Variants in NCR3LG1 observed in about 807,000 individuals in gnomAD.
The protein encoded by NCR3LG1 is natural cytotoxicity triggering receptor 3 ligand 1.
Under a neutral mutation model 34.8 loss-of-function variants are expected in NCR3LG1, and 35 were observed. The observed-to-expected ratio is 1.01, with a 90% confidence interval of 0.77 to 1.33. The LOEUF is 1.33. Among genes scored for constraint, NCR3LG1 ranks in the 40% most tolerant of loss-of-function variants. NCR3LG1 has a pLI of 0.00. For synonymous variants in NCR3LG1, 173 were observed against 163.6 expected (o/e 1.06, Z -0.44); for missense variants, 452 against 423.3 (o/e 1.07, Z -0.60).
chr11:17,372,253 C>A lies in NCR3LG1; in HGVS notation c.1106C>A (p.Ala369Asp), dbSNP rs907084677. 4.3e-6 allele frequency: 3 copies of A among 703,014 alleles called. No homozygotes were observed. Among genetic ancestry groups the A allele is most frequent in the African/African-American group, 3.5e-5 (2 of 57,248 alleles). 43.5% of individuals were successfully genotyped at this position (703,014 alleles called of 1,614,324 possible). Reference sequence around the variant, plus strand: ...TGGTCCGAGGTTCCTTATGTGCAAGCCTTCTTTGCCTTGCGAGACAACCCA... The same window carrying A: ...TGGTCCGAGGTTCCTTATGTGCAAGACTTCTTTGCCTTGCGAGACAACCCA... ...GKWSEVPYVQ[A>D]FFALRDNPDL... The change falls in exon 5 of 5, where the codon GCC becomes GAC. Residue 369 changes from alanine (A) to aspartate (D), a missense_variant. Ala to Asp is a moderately radical substitution (Grantham distance 126, BLOSUM62 -2). Transcript: ENST00000338965.
Position 17,375,380 on chromosome 11 carries a change from G to C in NCR3LG1, c.*2868G>C, listed in dbSNP as rs1269817480. 1.3e-5 allele frequency: 2 copies of C among 152,134 alleles called. No individual in the cohort carries two copies. Among genetic ancestry groups the C allele is most frequent in the Admixed American group, 6.5e-5 (1 of 15,270 alleles). 9.4% of individuals were successfully genotyped at this position (152,134 alleles called of 1,614,324 possible). A position where few individuals can be genotyped will look rare whatever the true frequency, so the allele number is the denominator to read the frequency against. On this transcript the variant is annotated 3_prime_UTR_variant, in exon 5 of 5. Transcript: ENST00000338965. ...TTTATGGATGGGAGCTCTTTTGTAG[G>C]ACAGGGAGTCTGAAAAGTGGGATAT...
chr11:17,380,709 CA>C (rs1319143870), downstream of NCR3LG1: 1 of 152,188 alleles, frequency 6.6e-6, no homozygotes, highest in African/African-American at 2.4e-5. Flanking sequence ...AGGCTGGTCT[CA>C]AACTCCTGAG....
chr11:17,369,400 C>T (rs1372371091), intron 4 of NCR3LG1, among the ~76,000 whole-genome samples: 1 of 152,206 alleles, frequency 6.6e-6, no homozygotes, highest in Non-Finnish European at 1.5e-5. Flanking sequence ...CCAGATCTCA[C>T]TAGTTTGACT....
Position 17,351,880 on chromosome 11 carries a change from T to C in NCR3LG1, c.-90T>C. On this transcript the variant is annotated 5_prime_UTR_variant, in exon 1 of 5. Coordinates refer to ENST00000338965, the MANE Select transcript of NCR3LG1 (RefSeq NM_001202439.3). ...CCCGGCTGTGTCTCCGTCAACTCTT[T>C]ACGCAACAGAGGTCTCCCCCTGCCC... 9.8e-7 allele frequency: 1 copy of C among 1,024,866 alleles called. No individual in the cohort carries two copies. The highest frequency in any genetic ancestry group is 1.4e-6 in the Non-Finnish European group (1 of 690,212). The allele number at this position is 1,024,866 out of a possible 1,614,324, so 63.5% of individuals were successfully genotyped here.
At position 17,375,971 on chromosome 11, in the gene NCR3LG1, C is replaced by A. The variant is rs1306032924; in HGVS notation, c.*3459C>A. On this transcript the variant is annotated 3_prime_UTR_variant, in exon 5 of 5. Coordinates refer to ENST00000338965, the MANE Select transcript of NCR3LG1 (RefSeq NM_001202439.3). ...GCCAATGGAAGATTCTTAAAATCCTCCACTGAGCCTTTCACTTAGGAAAGC... is the reference window on the plus strand; with the variant it reads ...GCCAATGGAAGATTCTTAAAATCCTACACTGAGCCTTTCACTTAGGAAAGC... 6.6e-6 allele frequency: 1 copy of A among 152,204 alleles called. No individual in the cohort carries two copies. Among genetic ancestry groups the A allele is most frequent in the South Asian group, 2.1e-4 (1 of 4,832 alleles). The allele number at this position is 152,204 out of a possible 1,614,324, so 9.4% of individuals were successfully genotyped here.
intron 2 of NCR3LG1, 53 bp downstream of exon 2, chr11:17,357,054 C>T: frequency 4.2e-6 from 5 of 1,184,370 alleles, no homozygotes; most frequent in Non-Finnish European, 4.6e-6. Context: ...GGGTTAGCAA[C>T]AACAAAACCC....
At chr11:17,365,604 G>A (rs577568335) in intron 2 of NCR3LG1, among the ~76,000 whole-genome samples, 8 of 152,180 alleles carry the variant, frequency 5.3e-5, no homozygotes, top group Non-Finnish European at 1.0e-4. Context: ...TGAGATGGAG[G>A]GAATAATCTA....
intron 2 of NCR3LG1, among the ~76,000 whole-genome samples, chr11:17,357,581 G>A: frequency 6.6e-6 from 1 of 152,066 alleles, no homozygotes; most frequent in Admixed American, 6.5e-5. Context: ...GGAGTGAGAG[G>A]CATATTAATT....
In NCR3LG1 at chr11:17,375,418, C is replaced by T. The variant is rs1410950648; in HGVS notation, c.*2906C>T. The T allele has an allele frequency of 6.6e-6, 1 of 152,134 alleles. No homozygotes were observed. Among genetic ancestry groups the T allele is most frequent in the Non-Finnish European group, 1.5e-5 (1 of 68,034 alleles). The allele number at this position is 152,134 out of a possible 1,614,324, so 9.4% of individuals were successfully genotyped here. ...AAAAGTGGGATATGCAGTAGTCACC[C>T]TAAATAACATTGAAAATGTGCCTCT... is the stretch of plus-strand genomic sequence containing the variant. On this transcript the variant is annotated 3_prime_UTR_variant, in exon 5 of 5. Transcript: ENST00000338965.
At position 17,352,123 on chromosome 11, in the gene NCR3LG1, G is replaced by A. The variant is rs530381304; in HGVS notation, c.70+84G>A. On this transcript the variant is annotated intron_variant, in intron 1 of 4. Coordinates refer to ENST00000338965, the MANE Select transcript of NCR3LG1 (RefSeq NM_001202439.3). ...GGTCGGCTCCCTAGCATCCCGCCAG[G>A]GGACCTCAACTTCCTGGGGGCTGAG... The A allele has an allele frequency of 2.1e-4, 180 of 846,228 alleles. No homozygotes were observed. The African/African-American group carries it at 2.8e-3, about 13-fold the overall frequency. The allele number at this position is 846,228 out of a possible 1,614,324, so 52.4% of individuals were successfully genotyped here.
In NCR3LG1 at chr11:17,361,284, T is replaced by C. The variant is rs528475817; in HGVS notation, c.421+4283T>C. Among the ~76,000 whole-genome samples the C allele has an allele frequency of 2.9e-5, 4 of 138,230 alleles. No individual in the cohort carries two copies. In the South Asian group the frequency reaches 6.7e-4, roughly 23 times the overall value. 90.7% of individuals were successfully genotyped at this position (138,230 alleles called of 152,430 possible). Reference sequence around the variant, plus strand: ...AATCTAGAGATCAAGTTGGGAAAAATTGACATTTTTTTTTTTTTTTTGAGA... The same window carrying C: ...AATCTAGAGATCAAGTTGGGAAAAACTGACATTTTTTTTTTTTTTTTGAGA... On this transcript the variant is annotated intron_variant, in intron 2 of 4. Transcript: ENST00000338965.
At chr11:17,361,455 T>G (rs1400617357) in intron 2 of NCR3LG1, among the ~76,000 whole-genome samples, 1 of 152,014 alleles carries the variant, frequency 6.6e-6, no homozygotes, top group Non-Finnish European at 1.5e-5. Context: ...GCCTGGCTAA[T>G]TTTTGTATTT....
intron 2 of NCR3LG1, among the ~76,000 whole-genome samples, chr11:17,360,415 T>G (rs1411048118): frequency 6.6e-6 from 1 of 152,232 alleles, no homozygotes; most frequent in Non-Finnish European, 1.5e-5. Context: ...TACTACATTT[T>G]TCTTTCATGG....
At position 17,352,051 on chromosome 11, in the gene NCR3LG1, C is replaced by T; in HGVS notation, c.70+12C>T. On this transcript the variant is annotated intron_variant, in intron 1 of 4. Transcript: ENST00000338965. ...GCTGACGACCGAAGGTAGGGGGCGG[C>T]TGGGGTGGGCTGGGGCGGGGGCTCC... The T allele has an allele frequency of 1.9e-5, 4 of 207,076 alleles. No individual in the cohort carries two copies. The highest frequency in any genetic ancestry group is 3.3e-5 in the South Asian group (1 of 30,300). 12.8% of individuals were successfully genotyped at this position (207,076 alleles called of 1,614,324 possible). A position where few individuals can be genotyped will look rare whatever the true frequency, so the allele number is the denominator to read the frequency against.
intron 4 of NCR3LG1, among the ~76,000 whole-genome samples, chr11:17,370,033 G>A (rs1449157074): frequency 1.3e-5 from 2 of 152,162 alleles, no homozygotes; most frequent in Non-Finnish European, 2.9e-5. Context: ...GCCTAGACAT[G>A]CTCACAATAG....
At chr11:17,352,649 G>A (rs574238783) in intron 1 of NCR3LG1, among the ~76,000 whole-genome samples, 180 of 152,260 alleles carry the variant, frequency 1.2e-3, no homozygotes, top group Non-Finnish European at 2.2e-3. Flanking sequence ...CGCATCATCC[G>A]AGGGGCCGGA....
chr11:17,366,969 G>A (rs1953350202), intron 2 of NCR3LG1, 40 bp from the exon 3 acceptor site: 1 of 1,450,596 alleles, frequency 6.9e-7, no homozygotes, highest in Admixed American at 2.0e-5. Context: ...GGATAAAAGG[G>A]TGCTGGGCCC....
Position 17,351,904 on chromosome 11 carries a change from C to A in NCR3LG1, c.-66C>A. The A allele has an allele frequency of 5.5e-6, 7 of 1,268,964 alleles. No individual in the cohort carries two copies. The highest frequency in any genetic ancestry group is 7.7e-6 in the Non-Finnish European group (7 of 905,532). 78.6% of individuals were successfully genotyped at this position (1,268,964 alleles called of 1,614,324 possible). ...TTACGCAACAGAGGTCTCCCCCTGC[C>A]CTTGGTTTCTACCGGGCCGCCTGCT... On this transcript the variant is annotated 5_prime_UTR_variant, in exon 1 of 5. Coordinates refer to ENST00000338965, the MANE Select transcript of NCR3LG1 (RefSeq NM_001202439.3).
At chr11:17,361,195 C>A (rs1160963767) in intron 2 of NCR3LG1, among the ~76,000 whole-genome samples, 2 of 152,052 alleles carry the variant, frequency 1.3e-5, no homozygotes, top group East Asian at 3.8e-4. Context: ...TCTTTCCATA[C>A]AAATTTGAGA....
Sources: gnomAD v4.1 joint callset for allele counts (sites outside exome capture counted in the v4.1 genomes callset) on GRCh38, gnomAD v4.1.1 for gene constraint, MANE v1.5 for transcripts, NCBI Gene and HGNC (gene_info 2026-07-23, HGNC 2026-07-21) for gene names.